Variants in NRDE2 observed in about 807,000 individuals in gnomAD.
The protein encoded by NRDE2 is nuclear exosome regulator NRDE2.
In NRDE2, 76 loss-of-function variants were observed where a neutral mutation model predicts 124.2. The ratio of observed to expected loss-of-function variants is 0.61; its 90% CI spans 0.51 to 0.74. NRDE2 has a LOEUF of 0.74. Ranked by LOEUF, NRDE2 falls within the 30% of genes least tolerant of loss-of-function variation. NRDE2 has a pLI of 0.00. For synonymous variants in NRDE2, 489 were observed against 528.1 expected, an observed-to-expected ratio of 0.93 and a Z score of 1.01; for missense variants, 1,314 against 1,417.3, an observed-to-expected ratio of 0.93 and a Z score of 1.17.
At chr14:90,326,996 C>T (rs1226762043) in intron 1 of NRDE2, among the ~76,000 whole-genome samples, 1 of 152,190 alleles carries the variant, frequency 6.6e-6, no homozygotes, top group Non-Finnish European at 1.5e-5. Flanking sequence ...TACATTTGGA[C>T]TGGAAATACT....
intron 3 of NRDE2, among the ~76,000 whole-genome samples, chr14:90,313,119 ATTTTTTTTTTT>A (rs1207268681): frequency 7.8e-5 from 8 of 102,264 alleles, no homozygotes; most frequent in African/African-American, 2.0e-4. Context: ...TCTCAGCCTC[ATTTTTTTTTTT>A]TTTTTTTTTT....
intron 8 of NRDE2, among the ~76,000 whole-genome samples, chr14:90,293,112 G>A (rs1023597342): frequency 2.6e-5 from 4 of 152,164 alleles, no homozygotes; most frequent in Admixed American, 2.6e-4. Context: ...TGATTAAAAT[G>A]GAAATGACAC....
At chr14:90,289,409 G>T (rs1161992538) in intron 10 of NRDE2, among the ~76,000 whole-genome samples, 3 of 152,172 alleles carry the variant, frequency 2.0e-5, no homozygotes, top group Non-Finnish European at 1.5e-5. Context: ...TCTCCAAAGA[G>T]ATGTGGCCAC....
rs1458501527 is a variant in NRDE2, at chr14:90,273,703, C to G, written c.*4633G>C. On this transcript the variant is annotated 3_prime_UTR_variant, in exon 14 of 14. Transcript: ENST00000354366. ...CTCTAAGGGAGAATCCGTTTCCTTGCTGAGGATTATTGTTGGCAGAATTTA... is the reference window on the plus strand; with the variant it reads ...CTCTAAGGGAGAATCCGTTTCCTTGGTGAGGATTATTGTTGGCAGAATTTA... 6.5e-6 allele frequency: 1 copy of G among 154,236 alleles called. No homozygotes were observed. Among genetic ancestry groups the G allele is most frequent in the East Asian group, 1.9e-4 (1 of 5,136 alleles). The allele number at this position is 154,236 out of a possible 1,614,324, so 9.6% of individuals were successfully genotyped here.
chr14:90,301,110 T>C (rs1057059793), intron 7 of NRDE2, 129 bp downstream of exon 7: 1 of 861,376 alleles, frequency 1.2e-6, no homozygotes, highest in Non-Finnish European at 1.9e-6. Context: ...TAAAGGAGGA[T>C]ATGATATTTT....
rs58641715 is a variant in NRDE2, at chr14:90,271,892, A to ATT, written c.*6442_*6443dup. 889 of 140,142 alleles carry ATT rather than the reference A, an allele frequency of 6.3e-3. 7 individuals are homozygous for ATT. The highest frequency in any genetic ancestry group is 0.022 in the African/African-American group (833 of 37,198). 8.7% of individuals were successfully genotyped at this position (140,142 alleles called of 1,614,324 possible). On this transcript the variant is annotated 3_prime_UTR_variant, in exon 14 of 14. Coordinates refer to ENST00000354366, the MANE Select transcript of NRDE2 (RefSeq NM_017970.4). ...TGTCTCATGCTTTATTTCAGAACAG[A>ATT]TTTTTTTTTTTTTTTTTTTGAGGTA...
rs966404666 is a variant in NRDE2 at position 90,272,079 on chromosome 14, A to G, written c.*6257T>C. 7 of 428,664 alleles carry G rather than the reference A, an allele frequency of 1.6e-5. No individual in the cohort carries two copies. The highest frequency in any genetic ancestry group is 1.5e-4 in the African/African-American group (7 of 47,004). 26.6% of individuals were successfully genotyped at this position (428,664 alleles called of 1,614,324 possible). A position where few individuals can be genotyped will look rare whatever the true frequency, so the allele number is the denominator to read the frequency against. ...GGCTAACTTTTTGTATTTTTAGTAG[A>G]GATGGGGTTTCACCGTGTTGGCCAG... On this transcript the variant is annotated 3_prime_UTR_variant, in exon 14 of 14. Transcript: ENST00000354366. The surrounding 1 kb of genome is among the most constrained non-coding windows in gnomAD (Gnocchi z 4.5).
intron 7 of NRDE2, among the ~76,000 whole-genome samples, chr14:90,299,610 G>A (rs1884314398): frequency 6.6e-6 from 1 of 152,152 alleles, no homozygotes; most frequent in South Asian, 2.1e-4. Context: ...TGGGCCATGA[G>A]CCACAGGATT....
intron 12 of NRDE2, chr14:90,280,978 G>A (rs1424701378): frequency 1.3e-5 from 2 of 152,308 alleles, no homozygotes; most frequent in Non-Finnish European, 2.9e-5. Flanking sequence ...TAATGGAGGA[G>A]CAGAACTGCC....
intron 2 of NRDE2, 98 bp from the exon 3 acceptor site, chr14:90,316,909 T>A: frequency 6.1e-6 from 5 of 816,246 alleles, no homozygotes; most frequent in Non-Finnish European, 9.6e-6. Context: ...TGGAACTATA[T>A]AAATGTTCAC....
intron 8 of NRDE2, among the ~76,000 whole-genome samples, chr14:90,297,764 G>GAA (rs1884229760): frequency 6.6e-6 from 1 of 151,738 alleles, no homozygotes; most frequent in African/African-American, 2.4e-5. Context: ...CCAACATGGC[G>GAA]ACCCTATCTC....
chr14:90,292,834 T>C lies in NRDE2; in HGVS notation c.1705A>G (p.Ile569Val). The change falls in exon 9 of 14, where the codon ATA becomes GTA. Residue 569 changes from isoleucine to valine, a missense_variant. Transcript: ENST00000354366. Reference protein sequence around the residue: ...DDEPEEDDQEIKDKTLPRWQI... With the variant: ...DDEPEEDDQEVKDKTLPRWQI... ...CACCTGGGCAGAGTCTTATCTTTTATTTCCTGGTCATCCTCTTCTGGTTCA... is the reference window on the plus strand; with the variant it reads ...CACCTGGGCAGAGTCTTATCTTTTACTTCCTGGTCATCCTCTTCTGGTTCA... The C allele has an allele frequency of 6.2e-7, 1 of 1,614,170 alleles. No individual in the cohort carries two copies. Among genetic ancestry groups the C allele is most frequent in the Non-Finnish European group, 8.5e-7 (1 of 1,180,000 alleles).
rs377721556 is a variant in NRDE2 at position 90,288,069 on chromosome 14, T to C, written c.3158+148A>G. The C allele has an allele frequency of 8.7e-5, 63 of 724,436 alleles. 1 individual carries two copies. In the South Asian group the frequency reaches 1.1e-3, roughly 12 times the overall value. 44.9% of individuals were successfully genotyped at this position (724,436 alleles called of 1,614,324 possible). On this transcript the variant is annotated intron_variant, in intron 11 of 13. Coordinates refer to ENST00000354366, the MANE Select transcript of NRDE2 (RefSeq NM_017970.4). ...GTCTCGCTTGCCTTTCAATCCGTTA[T>C]CCTATGACACCTACAGCCCCACGGC... is the stretch of plus-strand genomic sequence containing the variant.
intron 4 of NRDE2, among the ~76,000 whole-genome samples, chr14:90,306,467 T>G (rs1395300125): frequency 6.6e-6 from 1 of 152,212 alleles, no homozygotes; most frequent in Non-Finnish European, 1.5e-5. Flanking sequence ...CTCTTGCCAT[T>G]CCATTTATGA....
In NRDE2 at chr14:90,317,275, CA is replaced by C. The variant is rs200937108; in HGVS notation, c.174-465del. 3.8e-4 allele frequency among the ~76,000 whole-genome samples: 58 copies of C among 151,452 alleles called. 1 individual carries two copies. In the East Asian group the frequency reaches 0.01, roughly 26 times the overall value. ...TTTTAAAAATAATAATAATAATTTT[CA>C]AAAAAAATCATTATAAAAAGGTTTA... On this transcript the variant is annotated intron_variant, in intron 2 of 13. Coordinates refer to ENST00000354366, the MANE Select transcript of NRDE2 (RefSeq NM_017970.4).
intron 4 of NRDE2, among the ~76,000 whole-genome samples, chr14:90,305,877 A>G (rs1471548158): frequency 6.6e-6 from 1 of 152,230 alleles, no homozygotes; most frequent in Non-Finnish European, 1.5e-5. Context: ...AGCTTTGTGC[A>G]TTACATTGCA....
chr14:90,312,283 C>T, intron 4 of NRDE2, 111 bp downstream of exon 4: 1 of 1,017,176 alleles, frequency 9.8e-7, no homozygotes, highest in Admixed American at 2.3e-5. Flanking sequence ...AAATAAAACC[C>T]AACAGAACTG....
intron 1 of NRDE2, among the ~76,000 whole-genome samples, chr14:90,327,906 G>A (rs1307416398): frequency 3.3e-5 from 5 of 152,154 alleles, no homozygotes; most frequent in African/African-American, 1.2e-4. Flanking sequence ...CACTTTGGGA[G>A]GCAGAGGCGG....
At chr14:90,284,118 C>A (rs1198946379) in intron 12 of NRDE2, among the ~76,000 whole-genome samples, 1 of 152,106 alleles carries the variant, frequency 6.6e-6, no homozygotes, top group African/African-American at 2.4e-5. Context: ...CCCAGCCCCT[C>A]AGGCCTTCAG....
Sources: gnomAD v4.1 joint callset for allele counts (sites outside exome capture counted in the v4.1 genomes callset) on GRCh38, gnomAD v4.1.1 for gene constraint, Gnocchi (gnomAD v3.1) non-coding constraint, MANE v1.5 for transcripts, NCBI Gene and HGNC (gene_info 2026-07-23, HGNC 2026-07-21) for gene names.